Variants in MEF2C observed in about 807,000 individuals in gnomAD.
MEF2C encodes the protein myocyte-specific enhancer factor 2C.
MEF2C carries 6 observed loss-of-function variants against 50.5 expected under a neutral mutation model. The observed-to-expected ratio is 0.12, with a 90% confidence interval of 0.07 to 0.23. The LOEUF is 0.23. MEF2C is among the 10% of genes least tolerant of loss of function. The probability of loss-of-function intolerance (pLI) is 1.00; values close to 1 mark genes in which losing one functional copy is unlikely to be tolerated. For synonymous variants in MEF2C, 183 were observed against 228.0 expected, an observed-to-expected ratio of 0.80 and a Z score of 1.78; for missense variants, 276 against 605.0, an observed-to-expected ratio of 0.46 and a Z score of 5.70.
At chr5:88,768,397 G>A (rs1375987071) in intron 3 of MEF2C, among the ~76,000 whole-genome samples, 1 of 152,188 alleles carries the variant, frequency 6.6e-6, no homozygotes, top group African/African-American at 2.4e-5. Context: ...GGCAAAGGCT[G>A]TAGTAGGGTC....
intron 1 of MEF2C, among the ~76,000 whole-genome samples, chr5:88,865,055 C>T (rs1019069641): frequency 1.3e-5 from 2 of 152,018 alleles, no homozygotes; most frequent in African/African-American, 2.4e-5. Flanking sequence ...AGCCACCATG[C>T]CTGGCCATTT....
intron 8 of MEF2C, chr5:88,729,579 G>A: frequency 6.2e-6 from 3 of 486,612 alleles, no homozygotes; most frequent in East Asian, 4.0e-5. Flanking sequence ...AACTGAACTA[G>A]TAACAAGTAC....
intron 3 of MEF2C, among the ~76,000 whole-genome samples, chr5:88,797,072 T>C (rs1580853849): frequency 1.3e-5 from 2 of 152,290 alleles, no homozygotes; most frequent in East Asian, 1.9e-4. Flanking sequence ...AAGTGTGATA[T>C]GGTGCTGAGA....
intron 3 of MEF2C, among the ~76,000 whole-genome samples, chr5:88,783,454 C>T (rs1435387308): frequency 6.6e-6 from 1 of 151,944 alleles, no homozygotes; most frequent in Non-Finnish European, 1.5e-5. Context: ...CATGGAGAAA[C>T]CCTGTCTCTA....
chr5:88,859,286 T>A (rs1824646711), intron 1 of MEF2C, among the ~76,000 whole-genome samples: 1 of 152,216 alleles, frequency 6.6e-6, no homozygotes, highest in Non-Finnish European at 1.5e-5. Flanking sequence ...GTGACGGTAT[T>A]CCTGGGAACA....
intron 3 of MEF2C, among the ~76,000 whole-genome samples, chr5:88,776,625 T>G (rs537333647): frequency 2.6e-4 from 39 of 151,504 alleles, no homozygotes; most frequent in African/African-American, 9.2e-4. Flanking sequence ...AGAAAAATAC[T>G]GGAAGGGGGA....
chr5:88,817,741 G>A (rs1354510345), intron 2 of MEF2C: 2 of 152,040 alleles, frequency 1.3e-5, no homozygotes, highest in Admixed American at 6.6e-5. Flanking sequence ...AGCCCTAACT[G>A]TGTTATCTGA....
chr5:88,748,434 C>T (rs1031250713), intron 6 of MEF2C, among the ~76,000 whole-genome samples: 3 of 152,140 alleles, frequency 2.0e-5, no homozygotes, highest in Non-Finnish European at 4.4e-5. Context: ...AAAATGACAT[C>T]GATATCTCAA....
chr5:88,860,272 C>T (rs1055015901), intron 1 of MEF2C, among the ~76,000 whole-genome samples: 8 of 151,684 alleles, frequency 5.3e-5, no homozygotes, highest in African/African-American at 1.9e-4. Context: ...GGGGGCAATC[C>T]TGCTACTTCT....
chr5:88,768,779 A>G, intron 3 of MEF2C: 1 of 688,880 alleles, frequency 1.5e-6, no homozygotes, highest in Non-Finnish European at 1.8e-6. Context: ...ACCATTTCAC[A>G]CTACGTTAAA....
intron 6 of MEF2C, chr5:88,736,660 C>T (rs754839057): frequency 3.9e-4 from 380 of 985,296 alleles, no homozygotes; most frequent in Non-Finnish European, 3.8e-4. Context: ...TTGTGTGATG[C>T]TAACCAACCC....
At chr5:88,884,064 C>T (rs958727167), upstream of MEF2C, among the ~76,000 whole-genome samples, 2 of 152,196 alleles carry the variant, frequency 1.3e-5, no homozygotes, top group Non-Finnish European at 1.5e-5. Context: ...ATGAAGACAA[C>T]ACGGCGAGCT....
chr5:88,900,967 A>C (rs1835592810), intron 1 of MEF2C, among the ~76,000 whole-genome samples: 1 of 152,086 alleles, frequency 6.6e-6, no homozygotes, highest in Non-Finnish European at 1.5e-5. Flanking sequence ...TCAAAAGAAA[A>C]TATGACTAAA....
upstream of MEF2C, chr5:88,887,377 G>A (rs1275618428): frequency 6.6e-6 from 1 of 152,104 alleles, no homozygotes; most frequent in Non-Finnish European, 1.5e-5. Flanking sequence ...AGTGTATGGT[G>A]GTCATTTAAC....
intron 1 of MEF2C, among the ~76,000 whole-genome samples, chr5:88,830,963 A>G (rs575653264): frequency 6.6e-6 from 1 of 152,222 alleles, no homozygotes; most frequent in African/African-American, 2.4e-5. Context: ...CAGTCAAACA[A>G]AATAGTCTGT....
At chr5:88,838,585 A>T in intron 1 of MEF2C, 2 of 985,274 alleles carry the variant, frequency 2.0e-6, no homozygotes, top group African/African-American at 3.5e-5. Context: ...TACAGATGAG[A>T]ATTACACAGA....
chr5:88,760,935 G>T, intron 4 of MEF2C: 1 of 1,559,296 alleles, frequency 6.4e-7, no homozygotes, highest in Non-Finnish European at 8.7e-7. Flanking sequence ...GAGGGTTAAG[G>T]TATGTTACTG....
At chr5:88,796,291 C>T (rs1200089645) in intron 3 of MEF2C, among the ~76,000 whole-genome samples, 1 of 152,054 alleles carries the variant, frequency 6.6e-6, no homozygotes, top group African/African-American at 2.4e-5. Context: ...GGTTGGTAGC[C>T]TATTAATTAC....
chr5:88,758,498 A>C (rs1001964243), intron 4 of MEF2C, among the ~76,000 whole-genome samples: 17 of 152,154 alleles, frequency 1.1e-4, no homozygotes, highest in Non-Finnish European at 2.5e-4. Flanking sequence ...TGCAATATTA[A>C]ATTTTCTGTT....
Sources: allele counts gnomAD v4.1 joint callset (sites outside exome capture counted in the v4.1 genomes callset), GRCh38; gene constraint gnomAD v4.1.1; transcripts MANE v1.5; gene names NCBI Gene and HGNC (gene_info 2026-07-23, HGNC 2026-07-21).